The following GOLGA4 variants were observed in gnomAD, a reference collection of about 807,000 sequenced individuals.
GOLGA4 encodes golgin subfamily A member 4.
In GOLGA4, 169 loss-of-function variants were observed where a neutral mutation model predicts 265.9. The observed-to-expected ratio is 0.64, with a 90% CI of 0.56 to 0.72. The LOEUF (loss-of-function observed/expected upper bound fraction) is 0.72, where lower values mean the gene tolerates loss of function less well. Ranked by LOEUF, GOLGA4 falls within the 30% of genes least tolerant of loss-of-function variation. The pLI is 0.00. For missense variants in GOLGA4, 2,482 were observed against 2,483.4 expected (o/e 1.00, Z 0.01); for synonymous variants, 923 against 855.8 (o/e 1.08, Z -1.37).
At chr3:37,322,975 T>C (rs951701490) in intron 13 of GOLGA4, among the ~76,000 whole-genome samples, 3 of 152,146 alleles carry the variant, frequency 2.0e-5, no homozygotes, top group South Asian at 2.1e-4. Context: ...GTTACTGTTA[T>C]GAATTTTATG....
chr3:37,362,323 G>A (rs1359500971), intron 23 of GOLGA4, among the ~76,000 whole-genome samples: 4 of 146,836 alleles, frequency 2.7e-5, no homozygotes, highest in Admixed American at 1.4e-4. Flanking sequence ...TGCAAGCTCC[G>A]CCTCCCGGGT....
At chr3:37,320,904 A>G (rs2096953080) in intron 12 of GOLGA4, among the ~76,000 whole-genome samples, 1 of 152,180 alleles carries the variant, frequency 6.6e-6, no homozygotes, top group Non-Finnish European at 1.5e-5. Flanking sequence ...ATTTAAATGG[A>G]TATTTTAAAA....
chr3:37,348,974 A>G (rs1056844206), intron 21 of GOLGA4, among the ~76,000 whole-genome samples: 2 of 152,078 alleles, frequency 1.3e-5, no homozygotes, highest in African/African-American at 4.8e-5. Flanking sequence ...GCTGAAAGGG[A>G]TGTCCCATGG....
At chr3:37,314,964 A>G (rs1241234481) in intron 10 of GOLGA4, among the ~76,000 whole-genome samples, 2 of 152,244 alleles carry the variant, frequency 1.3e-5, no homozygotes, top group Non-Finnish European at 2.9e-5. Flanking sequence ...AATATGCCTA[A>G]GAATAGTTTT....
At chr3:37,266,826 A>G (rs2096785022) in intron 2 of GOLGA4, 3 of 1,169,710 alleles carry the variant, frequency 2.6e-6, no homozygotes, top group Non-Finnish European at 3.4e-6. Flanking sequence ...TTTGCTTATT[A>G]CACTGAATGA....
intron 11 of GOLGA4, among the ~76,000 whole-genome samples, chr3:37,316,560 G>A (rs900760572): frequency 6.6e-6 from 1 of 152,068 alleles, no homozygotes; most frequent in African/African-American, 2.4e-5. Flanking sequence ...AACTATAACT[G>A]CCTGACTATA....
intron 21 of GOLGA4, among the ~76,000 whole-genome samples, chr3:37,349,363 G>A (rs1367015972): frequency 6.6e-6 from 1 of 152,152 alleles, no homozygotes; most frequent in African/African-American, 2.4e-5. Context: ...GAAGATCAAG[G>A]AGAACATCAT....
intron 1 of GOLGA4, among the ~76,000 whole-genome samples, chr3:37,251,070 C>T (rs1374486417): frequency 6.6e-6 from 1 of 151,904 alleles, no homozygotes; most frequent in African/African-American, 2.4e-5. Context: ...TTTATATACC[C>T]CTCACCTGGC....
At chr3:37,288,723 CTG>C (rs2096857101) in intron 4 of GOLGA4, among the ~76,000 whole-genome samples, 1 of 151,936 alleles carries the variant, frequency 6.6e-6, no homozygotes. Flanking sequence ...CGTGATCCAC[CTG>C]CCTCGGCCTC....
chr3:37,329,071 A>G lies in GOLGA4; in HGVS notation c.6170A>G (p.Lys2057Arg), dbSNP rs567517749. ...EKDDDLKRTA[K>R]RYEEILDARE... Reference sequence around the variant, plus strand: ...GATGATGATCTAAAACGAACAGCCAAAAGATATGAAGAAATCCTTGATGTT... The same window carrying G: ...GATGATGATCTAAAACGAACAGCCAGAAGATATGAAGAAATCCTTGATGTT... Residue 2057 changes from lysine to arginine, a missense_variant, in exon 16 of 24, where the codon AAA becomes AGA. By Grantham distance (26) the Lys-to-Arg change is conservative (BLOSUM62 2). Coordinates refer to ENST00000361924, the MANE Select transcript of GOLGA4 (RefSeq NM_002078.5). 2.5e-4 allele frequency: 396 copies of G among 1,608,450 alleles called. 8 individuals are homozygous for G. In the South Asian group the frequency reaches 4.1e-3, roughly 17 times the overall value.
rs376744446 is a variant in GOLGA4 at position 37,324,289 on chromosome 3, C to T, written c.2403C>T (p.Asp801=). 56 of 1,614,122 alleles carry T rather than the reference C, an allele frequency of 3.5e-5. No individual in the cohort carries two copies. Among genetic ancestry groups the T allele is most frequent in the South Asian group, 3.0e-4 (27 of 91,082 alleles). ...TCCAGCAGGCATCTGCTAAGCTGGA[C>T]GTTTTTCAGTCTTACCAGAGTGCCA... The part of the protein sequence containing the change: ...GELQQASAKL[D]VFQSYQSATH... Residue 801 remains aspartate (D), a synonymous_variant, in exon 14 of 24, where the codon GAC becomes GAT. Transcript: ENST00000361924.
chr3:37,256,895 A>C (rs1242375322), intron 2 of GOLGA4, among the ~76,000 whole-genome samples: 1 of 152,040 alleles, frequency 6.6e-6, no homozygotes, highest in Non-Finnish European at 1.5e-5. Flanking sequence ...CCTGGGCTCA[A>C]GGGACCCTGA....
intron 2 of GOLGA4, among the ~76,000 whole-genome samples, chr3:37,278,204 CTT>C (rs1260031511): frequency 7.0e-6 from 1 of 142,630 alleles, no homozygotes. Context: ...ATTTTCTTTT[CTT>C]TTTTTTTTTT....
chr3:37,279,018 G>T (rs924254074), intron 2 of GOLGA4, among the ~76,000 whole-genome samples: 1 of 152,046 alleles, frequency 6.6e-6, no homozygotes, highest in African/African-American at 2.4e-5. Context: ...AAAGTTGATT[G>T]TTGAGTTTAG....
chr3:37,336,899 G>A (rs1177397950), intron 17 of GOLGA4, among the ~76,000 whole-genome samples: 3 of 151,930 alleles, frequency 2.0e-5, no homozygotes, highest in Non-Finnish European at 4.4e-5. Flanking sequence ...TCCTTCTGGA[G>A]CATCTTCTGG....
rs376167531 is a variant in GOLGA4, at chr3:37,349,979, C to A, written c.6576+2683C>A. Among the ~76,000 whole-genome samples the A allele has an allele frequency of 1.4e-4, 21 of 152,244 alleles. No individual in the cohort carries two copies. The South Asian group carries it at 4.1e-3, about 30-fold the overall frequency. On this transcript the variant is annotated intron_variant, in intron 21 of 23. Transcript: ENST00000361924. Reference sequence around the variant, plus strand: ...TTCCTTCCTTCTGTCCGTATACTTTCTTTTTCTTGGGTTTTGATCCTCCAT... The same window carrying A: ...TTCCTTCCTTCTGTCCGTATACTTTATTTTTCTTGGGTTTTGATCCTCCAT...
At chr3:37,244,075 C>T (rs1330010507) in intron 1 of GOLGA4, 3 of 159,766 alleles carry the variant, frequency 1.9e-5, no homozygotes, top group South Asian at 3.1e-4. Context: ...TATGGAATGG[C>T]CAGGATCCCG....
chr3:37,350,995 A>G (rs1010687290), intron 21 of GOLGA4, among the ~76,000 whole-genome samples: 8 of 152,084 alleles, frequency 5.3e-5, no homozygotes, highest in African/African-American at 1.4e-4. Flanking sequence ...TAAGACAGCA[A>G]TGACATTTGC....
At chr3:37,273,635 A>C in intron 2 of GOLGA4, 1 of 1,100,042 alleles carries the variant, frequency 9.1e-7, no homozygotes, top group South Asian at 1.3e-5. Context: ...GAAAATAACA[A>C]GTCATTTCAG....
Sources: allele counts gnomAD v4.1 joint callset (sites outside exome capture counted in the v4.1 genomes callset), GRCh38; gene constraint gnomAD v4.1.1; transcripts MANE v1.5; gene names NCBI Gene and HGNC (gene_info 2026-07-23, HGNC 2026-07-21).